The following ADARB2 variants were observed in gnomAD, a reference collection of about 807,000 sequenced individuals.
ADARB2 encodes adenosine deaminase RNA specific B2 (inactive).
In ADARB2, 25 loss-of-function variants were observed where a neutral mutation model predicts 62.2. That is an observed-to-expected ratio of 0.40 (90% CI 0.29 to 0.56). ADARB2 has a LOEUF of 0.56. Among genes scored for constraint, ADARB2 ranks in the 20% least tolerant of loss-of-function variants. ADARB2 has a pLI of 0.43. For synonymous variants in ADARB2, 572 were observed against 500.8 expected, an observed-to-expected ratio of 1.14 and a Z score of -1.90; for missense variants, 1,071 against 1,077.4, an observed-to-expected ratio of 0.99 and a Z score of 0.08.
intron 1 of ADARB2, among the ~76,000 whole-genome samples, chr10:1,454,723 G>T (rs1249922091): frequency 6.6e-6 from 1 of 152,164 alleles, no homozygotes; most frequent in Non-Finnish European, 1.5e-5. Context: ...TCTGGAAGAT[G>T]AAACTTTCTG....
intron 8 of ADARB2, among the ~76,000 whole-genome samples, chr10:1,190,157 T>C (rs1836822189): frequency 1.3e-5 from 2 of 151,404 alleles, no homozygotes; most frequent in East Asian, 3.9e-4. Context: ...TCAGAAAACA[T>C]GAGCATCAGC....
At position 1,181,335 on chromosome 10, in the gene ADARB2, A is replaced by C. The variant is rs969164748; in HGVS notation, c.*1858T>G. ...GAACTTAATAGAAACTGGTCGTTTG[A>C]GCTTAGCTTTTGCACTGAATTAAGA... On this transcript the variant is annotated 3_prime_UTR_variant, in exon 10 of 10. Coordinates refer to ENST00000381312, the MANE Select transcript of ADARB2 (RefSeq NM_018702.4). 1.3e-5 allele frequency: 2 copies of C among 152,234 alleles called. No homozygotes were observed. Among genetic ancestry groups the C allele is most frequent in the Admixed American group, 6.5e-5 (1 of 15,284 alleles). 9.4% of individuals were successfully genotyped at this position (152,234 alleles called of 1,614,324 possible). A position where few individuals can be genotyped will look rare whatever the true frequency, so the allele number is the denominator to read the frequency against.
At chr10:1,491,465 A>G (rs1831620248) in intron 1 of ADARB2, among the ~76,000 whole-genome samples, 4 of 152,204 alleles carry the variant, frequency 2.6e-5, no homozygotes, top group Admixed American at 1.3e-4. Flanking sequence ...ACAGAATGTT[A>G]AGAAATCCTG....
At chr10:1,569,812 A>G (rs1308251470) in intron 1 of ADARB2, among the ~76,000 whole-genome samples, 1 of 152,200 alleles carries the variant, frequency 6.6e-6, no homozygotes, top group South Asian at 2.1e-4. Flanking sequence ...ATTATGCTCA[A>G]GACTTTCTTA....
At chr10:1,582,627 G>A (rs1399423697) in intron 1 of ADARB2, among the ~76,000 whole-genome samples, 2 of 152,126 alleles carry the variant, frequency 1.3e-5, no homozygotes, top group Non-Finnish European at 2.9e-5. Flanking sequence ...AGCACCCTCA[G>A]CCAAACAGTC....
chr10:1,611,668 A>T (rs1833574554), intron 1 of ADARB2, among the ~76,000 whole-genome samples: 1 of 123,760 alleles, frequency 8.1e-6, no homozygotes, highest in Non-Finnish European at 1.7e-5. Context: ...ATTAGGCTGA[A>T]GGAAAGGAGG....
intron 8 of ADARB2, among the ~76,000 whole-genome samples, chr10:1,185,366 G>A (rs1351580197): frequency 1.3e-5 from 2 of 152,210 alleles, no homozygotes; most frequent in South Asian, 2.1e-4. Flanking sequence ...ACAGAGCCAC[G>A]TGGAAGTGAT....
chr10:1,565,382 A>G (rs1478971687), intron 1 of ADARB2, among the ~76,000 whole-genome samples: 1 of 152,166 alleles, frequency 6.6e-6, no homozygotes, highest in Admixed American at 6.5e-5. Flanking sequence ...GTATGCATGT[A>G]ATGTTATGCC....
Position 1,578,313 on chromosome 10 carries a change from C to T in ADARB2, c.100+158738G>A, listed in dbSNP as rs555942476. Among the ~76,000 whole-genome samples the T allele has an allele frequency of 3.5e-4, 53 of 151,980 alleles. No individual in the cohort carries two copies. In the South Asian group the frequency reaches 1.0e-2, roughly 29 times the overall value. Reference sequence around the variant, plus strand: ...TTTGAATACACATTTAAAAATATTGCGTTACTAAAATTTTCTTATTTTTCT... The same window carrying T: ...TTTGAATACACATTTAAAAATATTGTGTTACTAAAATTTTCTTATTTTTCT... On this transcript the variant is annotated intron_variant, in intron 1 of 9. Coordinates refer to ENST00000381312, the MANE Select transcript of ADARB2 (RefSeq NM_018702.4).
At chr10:1,588,837 C>G (rs943213268) in intron 1 of ADARB2, among the ~76,000 whole-genome samples, 8 of 152,168 alleles carry the variant, frequency 5.3e-5, no homozygotes, top group African/African-American at 1.7e-4. Flanking sequence ...AAGATCGATA[C>G]AGATCAAGAC....
At chr10:1,517,329 A>G (rs894923160) in intron 1 of ADARB2, among the ~76,000 whole-genome samples, 2 of 152,158 alleles carry the variant, frequency 1.3e-5, no homozygotes, top group Non-Finnish European at 2.9e-5. Flanking sequence ...CCTTCTTTAT[A>G]TTCTCACTAA....
rs1395449427 is a variant in ADARB2 at position 1,477,060 on chromosome 10, C to G, written c.101-97900G>C. ...CCCCACCTGGCCTACGATCCAACCCCTAGAGCACCTTCACAGCCACGCAAG... is the reference window on the plus strand; with the variant it reads ...CCCCACCTGGCCTACGATCCAACCCGTAGAGCACCTTCACAGCCACGCAAG... On this transcript the variant is annotated intron_variant, in intron 1 of 9. Transcript: ENST00000381312. This position sits in a 1 kb window ranked among gnomAD's most constrained non-coding sequence, Gnocchi z 4.5. Among the ~76,000 whole-genome samples, 1 of 152,164 alleles carries G rather than the reference C, an allele frequency of 6.6e-6. No homozygotes were observed. The highest frequency in any genetic ancestry group is 1.5e-5 in the Non-Finnish European group (1 of 68,030).
intron 1 of ADARB2, among the ~76,000 whole-genome samples, chr10:1,403,049 G>T (rs1832678357): frequency 6.6e-6 from 1 of 152,238 alleles, no homozygotes; most frequent in Admixed American, 6.5e-5. Context: ...CGTGCGCCTG[G>T]AGCTCTGCTG....
chr10:1,566,397 G>A (rs762819925), intron 1 of ADARB2, among the ~76,000 whole-genome samples: 13 of 152,064 alleles, frequency 8.5e-5, no homozygotes, highest in Non-Finnish European at 1.6e-4. Context: ...TTTCTCTTTC[G>A]TTAGCAATTC....
chr10:1,203,226 C>A (rs1837010344), intron 7 of ADARB2, among the ~76,000 whole-genome samples: 1 of 152,090 alleles, frequency 6.6e-6, no homozygotes, highest in Admixed American at 6.5e-5. Flanking sequence ...CATTGAAATA[C>A]CACAGATAAG....
At chr10:1,385,054 C>A (rs1035621474) in intron 1 of ADARB2, among the ~76,000 whole-genome samples, 1 of 152,132 alleles carries the variant, frequency 6.6e-6, no homozygotes, top group Non-Finnish European at 1.5e-5. Context: ...CGTGAACATG[C>A]GCTAACAAAG....
chr10:1,235,265 G>A (rs1292946528), intron 5 of ADARB2, among the ~76,000 whole-genome samples: 1 of 137,976 alleles, frequency 7.2e-6, no homozygotes, highest in African/African-American at 2.8e-5. Flanking sequence ...ACAGGTGGGA[G>A]TGGAGAACCG....
intron 1 of ADARB2, among the ~76,000 whole-genome samples, chr10:1,466,381 A>G (rs948150484): frequency 3.3e-5 from 5 of 152,182 alleles, no homozygotes; most frequent in African/African-American, 1.2e-4. Flanking sequence ...GGGAAATTTG[A>G]GTAGCACAAA....
At chr10:1,330,820 G>T (rs922916077) in intron 3 of ADARB2, among the ~76,000 whole-genome samples, 1 of 152,214 alleles carries the variant, frequency 6.6e-6, no homozygotes, top group Admixed American at 6.5e-5. Context: ...ACAACCCACA[G>T]AATGGGAGAA....
Sources: allele counts gnomAD v4.1 joint callset (sites outside exome capture counted in the v4.1 genomes callset), GRCh38; gene constraint gnomAD v4.1.1; non-coding constraint Gnocchi (gnomAD v3.1); transcripts MANE v1.5; gene names NCBI Gene and HGNC (gene_info 2026-07-23, HGNC 2026-07-21).